CTNNA2: variants seen among roughly 807,000 people sequenced by gnomAD.
CTNNA2 encodes catenin alpha-2.
Under a neutral mutation model 101.0 loss-of-function variants are expected in CTNNA2, and 42 were observed. The ratio of observed to expected loss-of-function variants is 0.42; its 90% confidence interval spans 0.32 to 0.54. The LOEUF (loss-of-function observed/expected upper bound fraction) is 0.54. Ranked by LOEUF, CTNNA2 falls within the 20% of genes least tolerant of loss-of-function variation. The pLI is 0.14. For synonymous variants in CTNNA2, 450 were observed against 456.4 expected (o/e 0.99, Z 0.18); for missense variants, 871 against 1,223.1 (o/e 0.71, Z 4.29).
chr2:79,574,684 T>C (rs1243243412), intron 1 of CTNNA2, among the ~76,000 whole-genome samples: 1 of 152,224 alleles, frequency 6.6e-6, no homozygotes, highest in Non-Finnish European at 1.5e-5. Context: ...AACATACATG[T>C]GAATGTATCT....
At chr2:80,045,170 C>A (rs1696433963) in intron 7 of CTNNA2, among the ~76,000 whole-genome samples, 1 of 152,168 alleles carries the variant, frequency 6.6e-6, no homozygotes, top group Admixed American at 6.5e-5. Context: ...CTTTTATGAC[C>A]TAGCCTTGGA....
At chr2:79,586,527 CTTT>C (rs10629514) in intron 1 of CTNNA2, among the ~76,000 whole-genome samples, 2 of 147,966 alleles carry the variant, frequency 1.4e-5, no homozygotes, top group Non-Finnish European at 3.0e-5. Flanking sequence ...CTTTTCTTTT[CTTT>C]TTTTTTAGCA....
intron 7 of CTNNA2, among the ~76,000 whole-genome samples, chr2:80,166,084 A>G (rs1054166545): frequency 1.3e-5 from 2 of 152,166 alleles, no homozygotes; most frequent in Non-Finnish European, 2.9e-5. Flanking sequence ...ATTAAGAAAT[A>G]TATATTTGAT....
At chr2:80,451,444 G>A (rs189600117) in intron 9 of CTNNA2, among the ~76,000 whole-genome samples, 5 of 152,276 alleles carry the variant, frequency 3.3e-5, no homozygotes, top group African/African-American at 1.2e-4. Flanking sequence ...CTGTGGAACT[G>A]TAAGTCAATT....
chr2:80,489,081 C>A (rs1242394485), intron 9 of CTNNA2, among the ~76,000 whole-genome samples: 1 of 152,102 alleles, frequency 6.6e-6, no homozygotes, highest in Non-Finnish European at 1.5e-5. Context: ...TTTGCATGTA[C>A]CTTTGTAACA....
intron 9 of CTNNA2, among the ~76,000 whole-genome samples, chr2:80,480,084 T>C (rs1174827732): frequency 6.6e-6 from 1 of 152,170 alleles, no homozygotes; most frequent in East Asian, 1.9e-4. Flanking sequence ...TTTTCTAATT[T>C]AATTGATCAT....
chr2:79,209,109 A>G (rs919107546), intron 2 of CTNNA2, among the ~76,000 whole-genome samples: 1 of 152,162 alleles, frequency 6.6e-6, no homozygotes, highest in Non-Finnish European at 1.5e-5. Context: ...TGAGTCCAGG[A>G]ATTCAAGACC....
At position 80,103,566 on chromosome 2, in the gene CTNNA2, G is replaced by A. The variant is rs538699343; in HGVS notation, c.1056+193769G>A. ...CCTGCTATATGAATCAGCTCTGACT[G>A]CCTGCAAGTTAGTATCCCCATCTAA... is the stretch of plus-strand genomic sequence containing the variant. On this transcript the variant is annotated intron_variant, in intron 7 of 18. Transcript: ENST00000402739. 1.5e-3 allele frequency among the ~76,000 whole-genome samples: 221 copies of A among 152,240 alleles called. 1 individual carries two copies. Among genetic ancestry groups the A allele is most frequent in the South Asian group, 0.014 (68 of 4,828 alleles).
intron 4 of CTNNA2, among the ~76,000 whole-genome samples, chr2:79,455,967 A>C (rs1670815895): frequency 6.6e-6 from 1 of 152,078 alleles, no homozygotes; most frequent in African/African-American, 2.4e-5. Context: ...AAAGGTTGAG[A>C]GTATCCAGGT....
intron 7 of CTNNA2, among the ~76,000 whole-genome samples, chr2:80,316,837 G>T (rs1428438666): frequency 1.3e-5 from 2 of 152,022 alleles, no homozygotes; most frequent in African/African-American, 4.8e-5. Flanking sequence ...CTAGGTCTGG[G>T]GATACAGTGG....
chr2:79,653,361 G>C (rs1681391161), intron 2 of CTNNA2, among the ~76,000 whole-genome samples: 1 of 152,130 alleles, frequency 6.6e-6, no homozygotes, highest in Non-Finnish European at 1.5e-5. Flanking sequence ...CAAGCTGATG[G>C]TGTTACCACC....
At chr2:80,365,578 A>G (rs1674844947) in intron 7 of CTNNA2, among the ~76,000 whole-genome samples, 1 of 151,588 alleles carries the variant, frequency 6.6e-6, no homozygotes, top group Admixed American at 6.6e-5. Context: ...TTGGAAAAAA[A>G]AAAAAAACAA....
intron 7 of CTNNA2, among the ~76,000 whole-genome samples, chr2:79,958,833 A>T: frequency 6.7e-6 from 1 of 150,194 alleles, no homozygotes; most frequent in African/African-American, 2.5e-5. Context: ...GAATATCTTT[A>T]CTCATATTTC....
chr2:79,407,355 G>A (rs1678351243), intron 4 of CTNNA2, among the ~76,000 whole-genome samples: 1 of 151,966 alleles, frequency 6.6e-6, no homozygotes, highest in African/African-American at 2.4e-5. Context: ...AGGTGGTAAG[G>A]TGAGGCTGCC....
intron 10 of CTNNA2, 74 bp downstream of exon 10, chr2:80,545,148 C>A (rs968947053): frequency 4.3e-6 from 6 of 1,388,824 alleles, no homozygotes; most frequent in Non-Finnish European, 5.0e-6. Flanking sequence ...CCCTCCTTTT[C>A]CTTCTCTATT....
chr2:79,372,189 T>A (rs570732498), intron 3 of CTNNA2, among the ~76,000 whole-genome samples: 4 of 152,094 alleles, frequency 2.6e-5, no homozygotes, highest in Non-Finnish European at 5.9e-5. Flanking sequence ...TGGCATCTGG[T>A]GGCAGGCAGG....
intron 2 of CTNNA2, among the ~76,000 whole-genome samples, chr2:79,690,762 G>T (rs1216092776): frequency 6.6e-6 from 1 of 151,968 alleles, no homozygotes; most frequent in African/African-American, 2.4e-5. Context: ...GGAAGTGGGG[G>T]CAGAAGAGAT....
intron 15 of CTNNA2, among the ~76,000 whole-genome samples, chr2:80,603,124 TA>T (rs1322541309): frequency 6.6e-6 from 1 of 152,052 alleles, no homozygotes; most frequent in Admixed American, 6.6e-5. Flanking sequence ...CTTACAGCCT[TA>T]AAAAACACAT....
intron 18 of CTNNA2, among the ~76,000 whole-genome samples, chr2:80,628,103 G>A (rs1048630683): frequency 6.6e-6 from 1 of 152,058 alleles, no homozygotes; most frequent in South Asian, 2.1e-4. Flanking sequence ...ACTGCTCAAG[G>A]AAACAAGAGA....
Sources: gnomAD v4.1 joint callset for allele counts (sites outside exome capture counted in the v4.1 genomes callset) on GRCh38, gnomAD v4.1.1 for gene constraint, MANE v1.5 for transcripts, NCBI Gene and HGNC (gene_info 2026-07-23, HGNC 2026-07-21) for gene names.